The following ZNF32 variants were observed in gnomAD, a reference collection of about 807,000 sequenced individuals.
The protein encoded by ZNF32 is C2H2-546.
Under a neutral mutation model 24.4 loss-of-function variants are expected in ZNF32, and 13 were observed. The ratio of observed to expected loss-of-function variants is 0.53; its 90% confidence interval spans 0.35 to 0.85. The LOEUF is 0.85. ZNF32 is among the 40% of genes least tolerant of loss of function. The pLI, the probability that ZNF32 is intolerant of heterozygous loss-of-function variation, is 0.01. For synonymous variants in ZNF32, 115 were observed against 117.4 expected (o/e 0.98, Z 0.13); for missense variants, 239 against 325.3 (o/e 0.73, Z 2.04).
chr10:43,647,805 C>A (rs1342276160), intron 1 of ZNF32: 1 of 152,198 alleles, frequency 6.6e-6, no homozygotes, highest in Non-Finnish European at 1.5e-5. Flanking sequence ...GACTCTGTCG[C>A]CGGGGATTCC....
intron 1 of ZNF32, chr10:43,647,909 G>T (rs1264904005): frequency 1.3e-5 from 2 of 152,178 alleles, no homozygotes; most frequent in Non-Finnish European, 2.9e-5. Flanking sequence ...TCCGTGATTA[G>T]TAAGGGAGAA....
At position 43,643,933 on chromosome 10, in the gene ZNF32, C is replaced by T. The variant is rs1250933075; in HGVS notation, c.*117G>A. On this transcript the variant is annotated 3_prime_UTR_variant, in exon 3 of 3. Coordinates refer to ENST00000374433, the MANE Select transcript of ZNF32 (RefSeq NM_006973.3). ...AAGGAAAAAAATCAGTTTGCCCTAC[C>T]CAATGATGGTCTTTCTGAAAGATTC... The T allele has an allele frequency of 1.7e-6, 2 of 1,171,336 alleles. No individual in the cohort carries two copies. The highest frequency in any genetic ancestry group is 1.5e-5 in the African/African-American group (1 of 64,762). 72.6% of individuals were successfully genotyped at this position (1,171,336 alleles called of 1,614,324 possible).
rs1839210664 is a variant in ZNF32 at position 43,644,471 on chromosome 10, T to G, written c.401A>C (p.Gln134Pro). ...GAAGCTTTTCCCACACTCCTTGCACTGATAAGGCTTCTCTCCCGTGTGTAT... is the reference window on the plus strand; with the variant it reads ...GAAGCTTTTCCCACACTCCTTGCACGGATAAGGCTTCTCTCCCGTGTGTAT... ...QRIHTGEKPY[Q>P]CKECGKSFSQ... Residue 134 changes from glutamine to proline, a missense_variant, in exon 3 of 3, where the codon CAG (glutamine) becomes CCG (proline). Transcript: ENST00000374433. This position sits in a 1 kb window ranked among gnomAD's most constrained non-coding sequence, Gnocchi z 5.3. 6.2e-7 allele frequency: 1 copy of G among 1,614,214 alleles called. No individual in the cohort carries two copies. Among genetic ancestry groups the G allele is most frequent in the African/African-American group, 1.3e-5 (1 of 75,062 alleles).
chr10:43,645,835 C>T, intron 2 of ZNF32: 1 of 823,834 alleles, frequency 1.2e-6, no homozygotes, highest in Non-Finnish European at 1.7e-6. Context: ...GCTGCTCATT[C>T]ATTCTCAGAG....
chr10:43,648,557 G>A (rs1443756052), intron 1 of ZNF32: 1 of 152,068 alleles, frequency 6.6e-6, no homozygotes, highest in African/African-American at 2.4e-5. Flanking sequence ...CCGGGCCCCG[G>A]GCACCGGGCC....
intron 1 of ZNF32, among the ~76,000 whole-genome samples, chr10:43,646,742 C>T (rs1282901407): frequency 6.6e-6 from 1 of 152,174 alleles, no homozygotes; most frequent in Non-Finnish European, 1.5e-5. Flanking sequence ...TACAAGAATA[C>T]CAGTTCTGAC....
At position 43,644,098 on chromosome 10, in the gene ZNF32, C is replaced by T; in HGVS notation, c.774G>A (p.Gly258=). The T allele has an allele frequency of 1.7e-5, 28 of 1,614,152 alleles. No homozygotes were observed. Among genetic ancestry groups the T allele is most frequent in the Non-Finnish European group, 2.4e-5 (28 of 1,180,010 alleles). Residue 258 remains glycine, a synonymous_variant, in exon 3 of 3, where the codon GGG becomes GGA. Transcript: ENST00000374433. This position sits in a 1 kb window ranked among gnomAD's most constrained non-coding sequence, Gnocchi z 5.3. ...GQCGKSFTQR[G]SLAVHQRSCS... Reference sequence around the variant, plus strand: ...AGCTTCGCTGGTGCACAGCCAGACTCCCTCTCTGGGTGAAGCTTTTTCCAC... The same window carrying T: ...AGCTTCGCTGGTGCACAGCCAGACTTCCTCTCTGGGTGAAGCTTTTTCCAC...
intron 2 of ZNF32, among the ~76,000 whole-genome samples, chr10:43,645,375 A>G (rs535385914): frequency 3.9e-4 from 59 of 152,386 alleles, no homozygotes; most frequent in African/African-American, 1.4e-3. Context: ...TTCTGACAAT[A>G]GAATAAGCAC....
rs139648146 is a variant in ZNF32, at chr10:43,644,321, C to G, written c.551G>C (p.Ser184Thr). ...SNLAVHRRVH[S>T]GEKPYRCDQC... ...ATCACATCTATAGGGCTTCTCACCA[C>G]TGTGAACTCTCCTGTGAACAGCAAG... Residue 184 changes from serine to threonine, a missense_variant, in exon 3 of 3, where the codon AGT becomes ACT. Coordinates refer to ENST00000374433, the MANE Select transcript of ZNF32 (RefSeq NM_006973.3). The surrounding 1 kb of genome is among the most constrained non-coding windows in gnomAD (Gnocchi z 5.3). 42 of 1,614,098 alleles carry G rather than the reference C, an allele frequency of 2.6e-5. No individual in the cohort carries two copies. The highest frequency in any genetic ancestry group is 2.7e-5 in the African/African-American group (2 of 74,952).
At chr10:43,645,811 G>C (rs1839266933) in intron 2 of ZNF32, 3 of 572,202 alleles carry the variant, frequency 5.2e-6, no homozygotes, top group Non-Finnish European at 5.2e-6. Context: ...TTCAGAGACA[G>C]TGCTGAGATT....
intron 1 of ZNF32, among the ~76,000 whole-genome samples, chr10:43,648,419 G>A (rs1275985061): frequency 6.6e-6 from 1 of 152,106 alleles, no homozygotes; most frequent in Non-Finnish European, 1.5e-5. Context: ...CGGAAGGCCG[G>A]CACCGGCTTC....
In ZNF32 at chr10:43,644,538, T is replaced by C; in HGVS notation, c.334A>G (p.Lys112Glu). 2.5e-6 allele frequency: 4 copies of C among 1,614,168 alleles called. No individual in the cohort carries two copies. Among genetic ancestry groups the C allele is most frequent in the African/African-American group, 1.3e-5 (1 of 75,062 alleles). Residue 112 changes from lysine (K) to glutamate (E), a missense_variant, in exon 3 of 3, where the codon AAA (lysine) becomes GAA (glutamate). Transcript: ENST00000374433. The surrounding 1 kb of genome is among the most constrained non-coding windows in gnomAD (Gnocchi z 5.3). ...AGATTGCCTTTGGCCCTGAAGCTTT[T>C]TCCACAGTGGGTGCACTCAAAAGGC... ...QKPFECTHCG[K>E]SFRAKGNLVT...
In ZNF32 at chr10:43,644,933, A is replaced by G. The variant is rs1839231029; in HGVS notation, c.71-132T>C. 3.9e-6 allele frequency: 4 copies of G among 1,020,544 alleles called. No homozygotes were observed. The highest frequency in any genetic ancestry group is 5.2e-5 in the East Asian group (2 of 38,254). 63.2% of individuals were successfully genotyped at this position (1,020,544 alleles called of 1,614,324 possible). On this transcript the variant is annotated intron_variant, in intron 2 of 2. Transcript: ENST00000374433. The surrounding 1 kb of genome is among the most constrained non-coding windows in gnomAD (Gnocchi z 5.3). ...TCTTTGCATAGACAATGCAATCCTG[A>G]AAACAATGCCATGAGAGTGATACAG...
chr10:43,648,626 G>A (rs1839406675), intron 1 of ZNF32, 176 bp downstream of exon 1: 1 of 152,178 alleles, frequency 6.6e-6, no homozygotes, highest in Non-Finnish European at 1.5e-5. Flanking sequence ...CTGCTCTGCG[G>A]ACCGCCGACC....
In ZNF32 at chr10:43,646,559, A is replaced by T. The variant is rs144472846; in HGVS notation, c.-69-357T>A. ...TACTACTTTCTTCCCTCCAAGCCCCAGAGGAATTCAGAATCTAAGAAAACA... is the reference window on the plus strand; with the variant it reads ...TACTACTTTCTTCCCTCCAAGCCCCTGAGGAATTCAGAATCTAAGAAAACA... On this transcript the variant is annotated intron_variant, in intron 1 of 2. Transcript: ENST00000374433. 9.8e-4 allele frequency among the ~76,000 whole-genome samples: 149 copies of T among 152,310 alleles called. No individual in the cohort carries two copies. The Middle Eastern group carries it at 0.031, about 31-fold the overall frequency.
At position 43,644,130 on chromosome 10, in the gene ZNF32, C is replaced by T. The variant is rs114780606; in HGVS notation, c.742G>A (p.Gly248Ser). 27 of 1,614,174 alleles carry T rather than the reference C, an allele frequency of 1.7e-5. No homozygotes were observed. The highest frequency in any genetic ancestry group is 1.2e-4 in the South Asian group (11 of 91,086). The change falls in exon 3 of 3, where the codon GGC (glycine) becomes AGC (serine). Residue 248 changes from glycine (G) to serine (S), a missense_variant. By Grantham distance (56) the Gly-to-Ser change is moderately conservative (BLOSUM62 0). Coordinates refer to ENST00000374433, the MANE Select transcript of ZNF32 (RefSeq NM_006973.3). The surrounding 1 kb of genome is among the most constrained non-coding windows in gnomAD (Gnocchi z 5.3). ...IHTGETPYLCGQCGKSFTQRG... is the reference protein window; with the variant it reads ...IHTGETPYLCSQCGKSFTQRG... ...TGGGTGAAGCTTTTTCCACACTGGCCGCACAGATAGGGTGTCTCTCCTGTG... is the reference window on the plus strand; with the variant it reads ...TGGGTGAAGCTTTTTCCACACTGGCTGCACAGATAGGGTGTCTCTCCTGTG...
intron 2 of ZNF32, chr10:43,645,021 A>G: frequency 1.9e-6 from 1 of 534,330 alleles, no homozygotes; most frequent in South Asian, 2.6e-5. Flanking sequence ...GCTGACTCAA[A>G]TAGGCATTCT....
Position 43,644,738 on chromosome 10 carries a change from T to C in ZNF32, c.134A>G (p.Asp45Gly), listed in dbSNP as rs751851723. 3.7e-6 allele frequency: 6 copies of C among 1,613,880 alleles called. No individual in the cohort carries two copies. Among genetic ancestry groups the C allele is most frequent in the Non-Finnish European group, 5.1e-6 (6 of 1,179,968 alleles). Residue 45 changes from aspartate (D) to glycine (G), a missense_variant, in exon 3 of 3, where the codon GAT becomes GGT. Asp to Gly is a moderately conservative substitution (Grantham distance 94, BLOSUM62 -1). Coordinates refer to ENST00000374433, the MANE Select transcript of ZNF32 (RefSeq NM_006973.3). The surrounding 1 kb of genome is among the most constrained non-coding windows in gnomAD (Gnocchi z 5.3). ...HSEATGSSSW[D>G]IQNSFRREKL... is the part of the protein sequence containing the mutation. Reference sequence around the variant, plus strand: ...CTCTCTTCTGAAAGAATTTTGGATATCCCAGCTTGAGGATCCTGTAGCCTC... The same window carrying C: ...CTCTCTTCTGAAAGAATTTTGGATACCCCAGCTTGAGGATCCTGTAGCCTC...
chr10:43,647,860 G>A (rs1839367413), intron 1 of ZNF32: 1 of 152,208 alleles, frequency 6.6e-6, no homozygotes, highest in Admixed American at 6.5e-5. Flanking sequence ...CACCTGCTGT[G>A]AGGTCTTCAA....
Sources: gnomAD v4.1 joint callset for allele counts (sites outside exome capture counted in the v4.1 genomes callset) on GRCh38, gnomAD v4.1.1 for gene constraint, Gnocchi (gnomAD v3.1) non-coding constraint, MANE v1.5 for transcripts, NCBI Gene and HGNC (gene_info 2026-07-23, HGNC 2026-07-21) for gene names.